USH2A: variants seen among roughly 807,000 people sequenced by gnomAD.
The protein encoded by USH2A is Usher syndrome 2A (autosomal recessive, mild).
USH2A carries 443 observed loss-of-function variants against 538.9 expected under a neutral mutation model. The ratio of observed to expected loss-of-function variants is 0.82; its 90% CI spans 0.76 to 0.89. The LOEUF (loss-of-function observed/expected upper bound fraction) is 0.89, where lower values mean the gene tolerates loss of function less well. Among genes scored for constraint, USH2A ranks in the 40% least tolerant of loss-of-function variants. The pLI, the probability that USH2A is intolerant of heterozygous loss-of-function variation, is 0.00. For missense variants in USH2A, 6,633 were observed against 6,324.8 expected (o/e 1.05, Z -1.65); for synonymous variants, 2,413 against 2,273.5 (o/e 1.06, Z -1.75).
chr1:215,794,449 G>A (rs1367586153), intron 50 of USH2A, among the ~76,000 whole-genome samples: 7 of 152,252 alleles, frequency 4.6e-5, no homozygotes, highest in East Asian at 1.9e-4. Context: ...TATGTAGCAG[G>A]TATGCTGTTT....
intron 9 of USH2A, among the ~76,000 whole-genome samples, chr1:216,319,872 TC>T (rs2037573940): frequency 6.6e-6 from 1 of 152,118 alleles, no homozygotes; most frequent in Admixed American, 6.6e-5. Context: ...AGCAAGATGC[TC>T]TATAATATCC....
chr1:216,254,186 A>C (rs2036216859), intron 11 of USH2A, among the ~76,000 whole-genome samples: 1 of 152,310 alleles, frequency 6.6e-6, no homozygotes, highest in South Asian at 2.1e-4. Flanking sequence ...TCTGTATATT[A>C]ACTATATCTT....
At chr1:216,177,358 T>TGA (rs1199086646) in intron 20 of USH2A, among the ~76,000 whole-genome samples, 2 of 152,176 alleles carry the variant, frequency 1.3e-5, no homozygotes, top group Non-Finnish European at 2.9e-5. Context: ...TATATCTTCT[T>TGA]TGGTCAAAAA....
chr1:215,848,609 C>T (rs979942809), intron 44 of USH2A, among the ~76,000 whole-genome samples: 7 of 152,142 alleles, frequency 4.6e-5, no homozygotes, highest in Non-Finnish European at 1.0e-4. Flanking sequence ...ATGGTGATTC[C>T]GTTCCATTGT....
intron 32 of USH2A, among the ~76,000 whole-genome samples, chr1:216,007,773 G>A (rs1668442616): frequency 6.6e-6 from 1 of 152,256 alleles, no homozygotes; most frequent in African/African-American, 2.4e-5. Context: ...CAGATGCTAA[G>A]GAACTAGGTA....
At position 215,648,786 on chromosome 1, in the gene USH2A, T is replaced by C. The variant is rs762575682; in HGVS notation, c.14344-20A>G. ...GGATAGCTGTGGAAGGAAGGAAGGC[T>C]AGATAAAGGCAGTGTCAAACATTAA... On this transcript the variant is annotated intron_variant, in intron 65 of 71. Transcript: ENST00000307340. 4.4e-6 allele frequency: 7 copies of C among 1,603,928 alleles called. No individual in the cohort carries two copies. The East Asian group carries it at 1.6e-4, about 36-fold the overall frequency.
chr1:216,289,531 T>C lies in USH2A; in HGVS notation c.1841-121A>G, dbSNP rs538677760. The C allele has an allele frequency of 3.8e-4, 511 of 1,334,582 alleles. 5 individuals are homozygous for C. In the African/African-American group the frequency reaches 7.0e-3, roughly 18 times the overall value. The allele number at this position is 1,334,582 out of a possible 1,614,324, so 82.7% of individuals were successfully genotyped here. On this transcript the variant is annotated intron_variant, in intron 10 of 71. Transcript: ENST00000307340. Reference sequence around the variant, plus strand: ...ATAATTTTCGGAACGTCCGTTTTAATGCACCTTTCATCTCTACCTGCCAAT... The same window carrying C: ...ATAATTTTCGGAACGTCCGTTTTAACGCACCTTTCATCTCTACCTGCCAAT...
chr1:216,290,547 G>C (rs2036982222), intron 10 of USH2A, among the ~76,000 whole-genome samples: 1 of 152,148 alleles, frequency 6.6e-6, no homozygotes, highest in Non-Finnish European at 1.5e-5. Flanking sequence ...TAGGAGGTAA[G>C]AGGAATCTGA....
At position 216,101,140 on chromosome 1, in the gene USH2A, A is replaced by G. The variant is rs2032569107; in HGVS notation, c.4628-3927T>C. On this transcript the variant is annotated intron_variant, in intron 21 of 71. Transcript: ENST00000307340. ...AAATTAAAAATGCACACGTTCACTG[A>G]AACATATTCTTGACAATTAATTATT... 3.9e-5 allele frequency among the ~76,000 whole-genome samples: 6 copies of G among 152,356 alleles called. No homozygotes were observed. In the South Asian group the frequency reaches 1.2e-3, roughly 32 times the overall value.
chr1:215,839,258 T>C (rs1299758646), intron 46 of USH2A, among the ~76,000 whole-genome samples: 1 of 152,204 alleles, frequency 6.6e-6, no homozygotes, highest in Non-Finnish European at 1.5e-5. Flanking sequence ...AAATGAACTT[T>C]ATACATATTG....
Position 216,076,891 on chromosome 1 carries a change from T to C in USH2A, c.5572+1198A>G, listed in dbSNP as rs193288989. Among the ~76,000 whole-genome samples the C allele has an allele frequency of 2.4e-3, 370 of 152,286 alleles. 1 individual carries two copies. Among genetic ancestry groups the C allele is most frequent in the Non-Finnish European group, 4.0e-3 (269 of 68,016 alleles). ...ACCTTTTTCACACGTGGGAGGGTGC[T>C]TGGTCCTATGCTGGAAGTTACTATG... is the stretch of plus-strand genomic sequence containing the variant. On this transcript the variant is annotated intron_variant, in intron 27 of 71. Transcript: ENST00000307340.
chr1:215,713,489 G>A (rs1239357026), intron 61 of USH2A, among the ~76,000 whole-genome samples: 1 of 151,962 alleles, frequency 6.6e-6, no homozygotes, highest in African/African-American at 2.4e-5. Flanking sequence ...CCAATTAATG[G>A]GGGCATATTG....
intron 55 of USH2A, among the ~76,000 whole-genome samples, 153 bp downstream of exon 55, chr1:215,779,690 T>C (rs188722525): frequency 2.6e-5 from 4 of 152,326 alleles, no homozygotes; most frequent in Admixed American, 1.3e-4. Context: ...GCTCTTCTAT[T>C]AGCATGGATA....
rs1426377296 is a variant in USH2A at position 215,782,788 on chromosome 1, T to C, written c.10535A>G (p.Asn3512Ser). The part of the protein sequence containing the change: ...VSPPTWTKID[N>S]LEDTIVLNWR... ...GTTTAAGACAATTGTATCTTCAAGA[T>C]TGTCTATTTTGGTCCACGTAGGGGG... The change falls in exon 53 of 72, where the codon AAT becomes AGT. Residue 3512 changes from asparagine to serine, a missense_variant. Asn to Ser is a conservative substitution (Grantham distance 46). Coordinates refer to ENST00000307340, the MANE Select transcript of USH2A (RefSeq NM_206933.4). 1.2e-6 allele frequency: 2 copies of C among 1,614,034 alleles called. No individual in the cohort carries two copies. The highest frequency in any genetic ancestry group is 1.7e-5 in the Admixed American group (1 of 59,994).
At chr1:215,793,254 C>T (rs527809858) in intron 50 of USH2A, among the ~76,000 whole-genome samples, 2 of 151,728 alleles carry the variant, frequency 1.3e-5, no homozygotes, top group African/African-American at 2.4e-5. Flanking sequence ...ATGTATCATG[C>T]CTTTGAGATA....
chr1:215,836,485 A>T (rs1663501355), intron 47 of USH2A, among the ~76,000 whole-genome samples: 2 of 2,868 alleles, frequency 7.0e-4, no homozygotes, highest in Non-Finnish European at 1.1e-3. Context: ...TATATAATAT[A>T]TATTATATAT....
intron 22 of USH2A, among the ~76,000 whole-genome samples, chr1:216,092,040 TA>T (rs201042926): frequency 1.3e-4 from 19 of 150,868 alleles, no homozygotes; most frequent in East Asian, 2.0e-4. Context: ...TTTTTCAAAA[TA>T]AAAAAAAATA....
At chr1:215,816,907 A>T in intron 48 of USH2A, 90 bp downstream of exon 48, 1 of 1,340,806 alleles carries the variant, frequency 7.5e-7, no homozygotes. Flanking sequence ...AATATTGATC[A>T]TAATACATCA....
chr1:215,866,870 A>C, intron 44 of USH2A, 137 bp downstream of exon 44: 1 of 1,209,494 alleles, frequency 8.3e-7, no homozygotes, highest in South Asian at 1.4e-5. Context: ...CAGCCCTGTC[A>C]ATCTGCAATT....
Sources: allele counts gnomAD v4.1 joint callset (sites outside exome capture counted in the v4.1 genomes callset), GRCh38; gene constraint gnomAD v4.1.1; transcripts MANE v1.5; gene names NCBI Gene and HGNC (gene_info 2026-07-23, HGNC 2026-07-21).